CTNNBL1: variants seen among roughly 807,000 people sequenced by gnomAD.
The protein encoded by CTNNBL1 is catenin beta like 1, also known as beta-catenin-like protein 1.
A neutral mutation model predicts 72.7 loss-of-function variants in CTNNBL1; 31 were observed. The observed-to-expected ratio is 0.43, with a 90% CI of 0.32 to 0.58. The LOEUF (loss-of-function observed/expected upper bound fraction) is 0.58. CTNNBL1 is among the 20% of genes least tolerant of loss of function. The probability of loss-of-function intolerance (pLI) is 0.08; values close to 1 mark genes in which losing one functional copy is unlikely to be tolerated. For synonymous variants in CTNNBL1, 240 were observed against 267.3 expected (o/e 0.90, Z 1.00); for missense variants, 534 against 725.1 (o/e 0.74, Z 3.03).
intron 10 of CTNNBL1, among the ~76,000 whole-genome samples, chr20:37,781,570 A>G (rs1388475081): frequency 1.3e-5 from 2 of 152,184 alleles, no homozygotes; most frequent in Admixed American, 6.5e-5. Flanking sequence ...TTAATTAGCT[A>G]TATTAGCAGA....
chr20:37,735,452 A>G (rs1209537786), intron 2 of CTNNBL1, among the ~76,000 whole-genome samples: 1 of 152,220 alleles, frequency 6.6e-6, no homozygotes, highest in Admixed American at 6.5e-5. Flanking sequence ...AGTTCAGGAA[A>G]GACTTAGGAG....
intron 10 of CTNNBL1, among the ~76,000 whole-genome samples, chr20:37,800,886 G>C (rs1256750357): frequency 6.6e-6 from 1 of 152,146 alleles, no homozygotes; most frequent in Non-Finnish European, 1.5e-5. Flanking sequence ...TGTGCTTGCT[G>C]TTCCTCCTGT....
intron 5 of CTNNBL1, among the ~76,000 whole-genome samples, chr20:37,758,555 A>C (rs931958443): frequency 1.3e-5 from 2 of 152,172 alleles, no homozygotes; most frequent in Non-Finnish European, 2.9e-5. Flanking sequence ...TCCCCAGTTC[A>C]CTGGTGATCA....
intron 7 of CTNNBL1, among the ~76,000 whole-genome samples, chr20:37,775,798 G>A (rs1221023323): frequency 6.6e-6 from 1 of 152,130 alleles, no homozygotes; most frequent in East Asian, 1.9e-4. Flanking sequence ...ATTGAATAAA[G>A]GACAAGAGGC....
At chr20:37,841,996 A>G (rs550736795) in intron 12 of CTNNBL1, among the ~76,000 whole-genome samples, 2 of 152,356 alleles carry the variant, frequency 1.3e-5, no homozygotes, top group African/African-American at 4.8e-5. Context: ...TGTAACTTCA[A>G]GCTCCTTCTC....
chr20:37,798,622 C>T (rs748459138), intron 10 of CTNNBL1, among the ~76,000 whole-genome samples: 5 of 152,118 alleles, frequency 3.3e-5, no homozygotes, highest in Non-Finnish European at 4.4e-5. Context: ...CAATTACTGC[C>T]CCCTCTAAAC....
chr20:37,859,625 T>G (rs1223092319), intron 13 of CTNNBL1, among the ~76,000 whole-genome samples: 1 of 151,982 alleles, frequency 6.6e-6, no homozygotes, highest in African/African-American at 2.4e-5. Context: ...TTTTTAGCTT[T>G]TTTTATATGT....
chr20:37,761,631 C>A (rs905734066), intron 5 of CTNNBL1, among the ~76,000 whole-genome samples: 3 of 152,202 alleles, frequency 2.0e-5, no homozygotes, highest in African/African-American at 7.2e-5. Flanking sequence ...TAGCTGTGAG[C>A]AAGCCTGACA....
chr20:37,702,132 C>T (rs1457358631), intron 1 of CTNNBL1, among the ~76,000 whole-genome samples: 1 of 152,220 alleles, frequency 6.6e-6, no homozygotes, highest in African/African-American at 2.4e-5. Flanking sequence ...CCTCCTGCCT[C>T]AGTCTCCTAA....
chr20:37,860,868 A>C (rs902692139), intron 15 of CTNNBL1, among the ~76,000 whole-genome samples: 7 of 152,190 alleles, frequency 4.6e-5, no homozygotes, highest in African/African-American at 1.7e-4. Context: ...TATTGTTGTT[A>C]ATCTCTTACT....
chr20:37,778,045 T>G (rs760130949), intron 9 of CTNNBL1, among the ~76,000 whole-genome samples: 2 of 152,190 alleles, frequency 1.3e-5, no homozygotes, highest in African/African-American at 2.4e-5. Context: ...GCCAAGATTA[T>G]TCACCAACCT....
At chr20:37,780,940 A>G (rs1284988947) in intron 10 of CTNNBL1, among the ~76,000 whole-genome samples, 14 of 152,142 alleles carry the variant, frequency 9.2e-5, no homozygotes. Context: ...TCTAAAATAT[A>G]TTATCTTTAA....
chr20:37,869,014 G>A (rs75175007), intron 15 of CTNNBL1, among the ~76,000 whole-genome samples: 2 of 152,176 alleles, frequency 1.3e-5, no homozygotes, highest in East Asian at 3.9e-4. Flanking sequence ...CTTACACACA[G>A]CCCCAGAGCC....
rs1240626886 is a variant in CTNNBL1 at position 37,746,506 on chromosome 20, A to G, written c.365A>G (p.Gln122Arg). Residue 122 changes from glutamine (Q) to arginine (R), a missense_variant, in exon 4 of 16, where the codon CAG (glutamine) becomes CGG (arginine). Coordinates refer to ENST00000361383, the MANE Select transcript of CTNNBL1 (RefSeq NM_030877.5). The part of the protein sequence containing the change: ...ESELDLNDII[Q>R]EMHVVATMPD... Reference sequence around the variant, plus strand: ...GAGCTGGACCTAAATGACATCATTCAGGAGATGCACGTGGTGGCCACCATG... The same window carrying G: ...GAGCTGGACCTAAATGACATCATTCGGGAGATGCACGTGGTGGCCACCATG... The G allele has an allele frequency of 1.9e-6, 3 of 1,613,954 alleles. No individual in the cohort carries two copies. Among genetic ancestry groups the G allele is most frequent in the African/African-American group, 2.7e-5 (2 of 74,904 alleles).
chr20:37,709,952 A>G lies in CTNNBL1; in HGVS notation c.30+15800A>G, dbSNP rs368769038. Among the ~76,000 whole-genome samples, 192 of 152,356 alleles carry G rather than the reference A, an allele frequency of 1.3e-3. 1 individual carries two copies. Among genetic ancestry groups the G allele is most frequent in the Middle Eastern group, 6.8e-3 (2 of 294 alleles). On this transcript the variant is annotated intron_variant, in intron 1 of 15. Coordinates refer to ENST00000361383, the MANE Select transcript of CTNNBL1 (RefSeq NM_030877.5). ...CTATTCCAGCTTCTTCTTTGTACACATGGGTAAACCAGAGAGCCCAGAGAG... is the reference window on the plus strand; with the variant it reads ...CTATTCCAGCTTCTTCTTTGTACACGTGGGTAAACCAGAGAGCCCAGAGAG...
At chr20:37,861,311 G>A (rs116569588) in intron 15 of CTNNBL1, among the ~76,000 whole-genome samples, 1,966 of 152,292 alleles carry the variant, frequency 0.013, 44 homozygotes, top group African/African-American at 0.045. Context: ...GCCTCCAGTC[G>A]GTGAGCAAGC....
chr20:37,695,529 C>T (rs1306865807), intron 1 of CTNNBL1, among the ~76,000 whole-genome samples: 1 of 152,192 alleles, frequency 6.6e-6, no homozygotes, highest in Non-Finnish European at 1.5e-5. Context: ...CCAATTTTAA[C>T]TGCCCCTCTT....
At position 37,802,755 on chromosome 20, in the gene CTNNBL1, G is replaced by A. The variant is rs78967826; in HGVS notation, c.1032-112G>A. 1,857 of 816,848 alleles carry A rather than the reference G, an allele frequency of 2.3e-3. 18 individuals carry two copies. In the African/African-American group the frequency reaches 0.028, roughly 13 times the overall value. The allele number at this position is 816,848 out of a possible 1,614,324, so 50.6% of individuals were successfully genotyped here. A position where few individuals can be genotyped will look rare whatever the true frequency, so the allele number is the denominator to read the frequency against. On this transcript the variant is annotated intron_variant, in intron 10 of 15. Coordinates refer to ENST00000361383, the MANE Select transcript of CTNNBL1 (RefSeq NM_030877.5). ...TCTTCTCCTAATTGTTAACAAGTATGTAATATTTCCATTTAGATGTATAAT... is the reference window on the plus strand; with the variant it reads ...TCTTCTCCTAATTGTTAACAAGTATATAATATTTCCATTTAGATGTATAAT...
Position 37,748,526 on chromosome 20 carries a change from G to A in CTNNBL1, c.466+1919G>A, listed in dbSNP as rs529912151. Among the ~76,000 whole-genome samples, 5 of 152,298 alleles carry A rather than the reference G, an allele frequency of 3.3e-5. No individual in the cohort carries two copies. The East Asian group carries it at 9.6e-4, about 29-fold the overall frequency. Reference sequence around the variant, plus strand: ...GCTAGGCCCTTAGGAACCATAAGCTGTGCTGGTTGCTCAAGCAGCATCAGT... The same window carrying A: ...GCTAGGCCCTTAGGAACCATAAGCTATGCTGGTTGCTCAAGCAGCATCAGT... On this transcript the variant is annotated intron_variant, in intron 4 of 15. Coordinates refer to ENST00000361383, the MANE Select transcript of CTNNBL1 (RefSeq NM_030877.5).
Sources: allele counts gnomAD v4.1 joint callset (sites outside exome capture counted in the v4.1 genomes callset), GRCh38; gene constraint gnomAD v4.1.1; transcripts MANE v1.5; gene names NCBI Gene and HGNC (gene_info 2026-07-23, HGNC 2026-07-21).